Variants in MFSD12 observed in about 807,000 individuals in gnomAD.
The protein encoded by MFSD12 is major facilitator superfamily domain containing 12, also known as major facilitator superfamily domain-containing protein 12.
MFSD12 carries 67 observed loss-of-function variants against 51.2 expected under a neutral mutation model. That is an observed-to-expected ratio of 1.31 (90% CI 1.08 to 1.60). MFSD12 has a LOEUF of 1.60. Among genes scored for constraint, MFSD12 ranks in the 40% most tolerant of loss-of-function variants. The pLI is 0.00. For missense variants in MFSD12, 921 were observed against 673.0 expected (o/e 1.37, Z -4.08); for synonymous variants, 441 against 316.7 (o/e 1.39, Z -4.17).
chr19:3,540,317 G>C (rs1017126689), downstream of MFSD12, among the ~76,000 whole-genome samples: 1 of 151,552 alleles, frequency 6.6e-6, no homozygotes, highest in African/African-American at 2.4e-5. Flanking sequence ...GAACGCAATG[G>C]TGCAATCTTG....
downstream of MFSD12, chr19:3,540,014 GGCTAA>G (rs1176165270): frequency 6.6e-5 from 10 of 152,032 alleles, no homozygotes; most frequent in Non-Finnish European, 1.0e-4. Flanking sequence ...CACTTTGGAA[GGCTAA>G]GACAGGAGGA....
At chr19:3,542,754 T>C (rs1247176036), downstream of MFSD12, 5 of 1,348,104 alleles carry the variant, frequency 3.7e-6, no homozygotes, top group Non-Finnish European at 4.9e-6. Context: ...AAGTGCTGGG[T>C]TTACAAGCGT....
Position 3,557,485 on chromosome 19 carries a change from GGCGCCGGGGACCCCCACCAC to G in MFSD12, c.-102_-83del, listed in dbSNP as rs1394756829. The G allele has an allele frequency of 1.5e-4, 132 of 905,506 alleles. No individual in the cohort carries two copies. The highest frequency in any genetic ancestry group is 4.4e-4 in the Middle Eastern group (1 of 2,296). The allele number at this position is 905,506 out of a possible 1,614,324, so 56.1% of individuals were successfully genotyped here. A position where few individuals can be genotyped will look rare whatever the true frequency, so the allele number is the denominator to read the frequency against. On this transcript the variant is annotated 5_prime_UTR_variant, in exon 1 of 10. Coordinates refer to ENST00000355415, the MANE Select transcript of MFSD12 (RefSeq NM_174983.5). ...GGCCTTCTTGGGTGCCGTGGGGGCA[GGCGCCGGGGACCCCCACCAC>G]GCGCCGGGCACCCCGCGTCCCGCTC... is the stretch of plus-strand genomic sequence containing the variant.
intron 1 of MFSD12, among the ~76,000 whole-genome samples, chr19:3,553,974 C>T (rs900907946): frequency 7.3e-5 from 11 of 151,554 alleles, no homozygotes; most frequent in African/African-American, 2.7e-4. Context: ...CCCAGCTACT[C>T]GGGAGGCTGA....
At chr19:3,543,116 G>C, downstream of MFSD12, 1 of 1,523,348 alleles carries the variant, frequency 6.6e-7, no homozygotes, top group South Asian at 1.2e-5. Context: ...AGTGGCGAGG[G>C]AGGGAGACCC....
chr19:3,543,472 G>A (rs766676218), downstream of MFSD12: 97 of 1,534,192 alleles, frequency 6.3e-5, no homozygotes, highest in East Asian at 1.2e-4. Context: ...GCATGCCATC[G>A]GGTGAGTGCC....
At chr19:3,545,829 C>G (rs559237002) in intron 8 of MFSD12, among the ~76,000 whole-genome samples, 187 of 152,312 alleles carry the variant, frequency 1.2e-3, no homozygotes, top group African/African-American at 4.4e-3. Flanking sequence ...CCAGCTGGGC[C>G]CACCCCCGAT....
At chr19:3,543,669 G>T (rs1339123871), downstream of MFSD12, 2 of 1,539,628 alleles carry the variant, frequency 1.3e-6, no homozygotes, top group African/African-American at 1.4e-5. Context: ...CCAATCCGGG[G>T]CAAGGAATAC....
At position 3,548,404 on chromosome 19, in the gene MFSD12, CT is replaced by C. The variant is rs2031257191; in HGVS notation, c.510-138del. The C allele has an allele frequency of 1.9e-5, 22 of 1,175,404 alleles. No individual in the cohort carries two copies. The South Asian group carries it at 3.3e-4, about 17-fold the overall frequency. The allele number at this position is 1,175,404 out of a possible 1,614,324, so 72.8% of individuals were successfully genotyped here. ...TCCAACCACTGCCACACTGGGTGGCCTCCAGGAAGCCCGTGCTGGCCTCAGT... is the reference window on the plus strand; with the variant it reads ...TCCAACCACTGCCACACTGGGTGGCCCCAGGAAGCCCGTGCTGGCCTCAGT... On this transcript the variant is annotated intron_variant, in intron 2 of 9. Transcript: ENST00000355415.
chr19:3,557,288 C>G lies in MFSD12; in HGVS notation c.116G>C (p.Trp39Ser). ...CAGGTAGAGCAGCAGGTAGGTGAAC[C>G]ACATGGACGCGCACAGGTCGTTGAG... ...HFLNDLCASM[W>S]FTYLLLYLHS... Residue 39 changes from tryptophan to serine, a missense_variant, in exon 1 of 10, where the codon TGG (tryptophan) becomes TCG (serine). Coordinates refer to ENST00000355415, the MANE Select transcript of MFSD12 (RefSeq NM_174983.5). 6.3e-7 allele frequency: 1 copy of G among 1,596,940 alleles called. No individual in the cohort carries two copies. The highest frequency in any genetic ancestry group is 1.1e-5 in the South Asian group (1 of 88,342).
Position 3,557,340 on chromosome 19 carries a change from G to A in MFSD12, c.64C>T (p.Arg22Trp), listed in dbSNP as rs2031786951. 1 of 1,551,816 alleles carries A rather than the reference G, an allele frequency of 6.4e-7. No homozygotes were observed. Among genetic ancestry groups the A allele is most frequent in the Non-Finnish European group, 8.7e-7 (1 of 1,152,160 alleles). The stretch of plus-strand genomic sequence containing the variant: ...AAGTGGCCCACGGCGTAGCTCAGCC[G>A]CGCCACCAGGGACAGCGGCCGCGGG... ...PSPRPLSLVARLSYAVGHFLN... is the reference protein window; with the variant it reads ...PSPRPLSLVAWLSYAVGHFLN... Residue 22 changes from arginine (R) to tryptophan (W), a missense_variant, in exon 1 of 10, where the codon CGG (arginine) becomes TGG (tryptophan). Transcript: ENST00000355415.
At chr19:3,543,896 G>A (rs368361120), downstream of MFSD12, 297 of 1,550,876 alleles carry the variant, frequency 1.9e-4, no homozygotes, top group East Asian at 1.5e-3. Context: ...CCTCCCTGTC[G>A]GCACCCCAGC....
intron 1 of MFSD12, among the ~76,000 whole-genome samples, chr19:3,555,135 TAGAC>T (rs754136410): frequency 2.6e-5 from 4 of 152,222 alleles, no homozygotes; most frequent in Admixed American, 6.5e-5. Context: ...TTTGTTTTTT[TAGAC>T]AGACTCTCGC....
At chr19:3,553,646 T>C (rs1320973342) in intron 1 of MFSD12, among the ~76,000 whole-genome samples, 2 of 134,000 alleles carry the variant, frequency 1.5e-5, no homozygotes, top group Non-Finnish European at 3.1e-5. Flanking sequence ...GGCGGGCGCC[T>C]GTAGTCCCAG....
intron 2 of MFSD12, among the ~76,000 whole-genome samples, chr19:3,549,362 A>C (rs931565525): frequency 1.3e-5 from 2 of 152,192 alleles, no homozygotes; most frequent in Non-Finnish European, 2.9e-5. Flanking sequence ...GTGGCATTCT[A>C]TAGCAGAGGG....
In MFSD12 at chr19:3,551,105, AGAG is replaced by A. The variant is rs1486664170; in HGVS notation, c.385_387del (p.Leu129del). ...AAGATCACGATGAACGGGCCGTAGT[AGAG>A]GAGGGCAGCCCACTCGGGCGTGGCC... On this transcript the variant is annotated inframe_deletion, in exon 2 of 10. Transcript: ENST00000355415. This position sits in a 1 kb window ranked among gnomAD's most constrained non-coding sequence, Gnocchi z 4.6. 1.9e-6 allele frequency: 3 copies of A among 1,613,124 alleles called. No homozygotes were observed. The highest frequency in any genetic ancestry group is 1.7e-6 in the Non-Finnish European group (2 of 1,179,988).
chr19:3,549,318 A>G (rs996558162), intron 2 of MFSD12, among the ~76,000 whole-genome samples: 1 of 152,172 alleles, frequency 6.6e-6, no homozygotes, highest in African/African-American at 2.4e-5. Flanking sequence ...TAAGTCCACC[A>G]TGGATGTTAC....
chr19:3,549,641 T>G (rs111806535), intron 2 of MFSD12, among the ~76,000 whole-genome samples: 1,580 of 150,244 alleles, frequency 0.011, 12 homozygotes, highest in African/African-American at 0.019. Flanking sequence ...GAGAACCGCT[T>G]GAACCCAGGA....
downstream of MFSD12, chr19:3,544,030 A>T: frequency 6.6e-7 from 1 of 1,517,808 alleles, no homozygotes; most frequent in Non-Finnish European, 8.9e-7. Context: ...ACCAGGATGC[A>T]CCCACTGTCT....
Sources: allele counts gnomAD v4.1 joint callset (sites outside exome capture counted in the v4.1 genomes callset), GRCh38; gene constraint gnomAD v4.1.1; non-coding constraint Gnocchi (gnomAD v3.1); transcripts MANE v1.5; gene names NCBI Gene and HGNC (gene_info 2026-07-23, HGNC 2026-07-21).